The following CIB1 variants were observed in gnomAD, a reference collection of about 807,000 sequenced individuals.
The protein encoded by CIB1 is calcium and integrin-binding protein 1.
In CIB1, 19 loss-of-function variants were observed where a neutral mutation model predicts 25.0. That is an observed-to-expected ratio of 0.76 (90% CI 0.53 to 1.12). The LOEUF (loss-of-function observed/expected upper bound fraction) is 1.12, where lower values mean the gene tolerates loss of function less well. Among genes scored for constraint, CIB1 ranks in the 50% most tolerant of loss-of-function variants. The pLI is 0.00. For missense variants in CIB1, 236 were observed against 242.6 expected (o/e 0.97, Z 0.18); for synonymous variants, 104 against 98.5 (o/e 1.06, Z -0.33).
the CIB1 span, chr15:90,262,343 G>T: frequency 8.8e-7 from 1 of 1,141,220 alleles, no homozygotes; most frequent in South Asian, 1.7e-5. Flanking sequence ...TTTCAGTTTA[G>T]TAGGTTTCCT....
At chr15:90,247,953 G>C in the CIB1 span, among the ~76,000 whole-genome samples, 1 of 151,936 alleles carries the variant, frequency 6.6e-6, no homozygotes, top group African/African-American at 2.4e-5. Context: ...GTGTTAGCCA[G>C]GATGGTCTTG....
chr15:90,255,874 C>T, the CIB1 span: 1 of 1,614,174 alleles, frequency 6.2e-7, no homozygotes, highest in African/African-American at 1.3e-5. Context: ...GCACCTGGTG[C>T]CTCCCCGCAG....
the CIB1 span, chr15:90,265,435 TGGAAAC>T: frequency 2.3e-6 from 3 of 1,306,598 alleles, no homozygotes; most frequent in Non-Finnish European, 2.9e-6. Flanking sequence ...GGACGGCTCT[TGGAAAC>T]GGAATCCGTA....
At chr15:90,262,216 G>C in the CIB1 span, 6 of 1,508,890 alleles carry the variant, frequency 4.0e-6, no homozygotes, top group Non-Finnish European at 5.3e-6. Flanking sequence ...ATTCTCCTCT[G>C]CACACCTAGG....
intron 3 of CIB1, among the ~76,000 whole-genome samples, 164 bp from the exon 4 acceptor site, chr15:90,231,671 A>G (rs2151635237): frequency 6.6e-6 from 1 of 152,340 alleles, no homozygotes. Flanking sequence ...GGGGCACAGG[A>G]AAGCAAACTG....
the CIB1 span, chr15:90,251,622 G>C: frequency 1.2e-6 from 2 of 1,611,196 alleles, no homozygotes; most frequent in Non-Finnish European, 8.5e-7. Flanking sequence ...CGCTCACACT[G>C]TGGTGCATAA....
chr15:90,253,293 G>A, the CIB1 span: 10 of 1,613,754 alleles, frequency 6.2e-6, no homozygotes, highest in Non-Finnish European at 7.6e-6. Flanking sequence ...GGTGGGGGAG[G>A]ATGAAGAGTG....
chr15:90,264,446 C>T, the CIB1 span, among the ~76,000 whole-genome samples: 1 of 152,210 alleles, frequency 6.6e-6, no homozygotes, highest in African/African-American at 2.4e-5. Flanking sequence ...GCTAGGATTA[C>T]AGGTGTAAGC....
the CIB1 span, among the ~76,000 whole-genome samples, chr15:90,259,909 A>G: frequency 1.3e-5 from 2 of 152,364 alleles, no homozygotes; most frequent in South Asian, 2.1e-4. Context: ...ATTTCAGTAC[A>G]TGTATAGTTA....
the CIB1 span, among the ~76,000 whole-genome samples, chr15:90,256,769 A>T: frequency 6.7e-6 from 1 of 149,226 alleles, no homozygotes; most frequent in African/African-American, 2.5e-5. Flanking sequence ...GCTCCCTGCA[A>T]CCTCCGCCTC....
chr15:90,261,978 C>G, the CIB1 span: 1 of 1,514,130 alleles, frequency 6.6e-7, no homozygotes, highest in Non-Finnish European at 8.8e-7. Flanking sequence ...CAGCCCTACT[C>G]TTGACTCACT....
At chr15:90,250,441 G>A in the CIB1 span, among the ~76,000 whole-genome samples, 1 of 152,250 alleles carries the variant, frequency 6.6e-6, no homozygotes, top group Admixed American at 6.5e-5. Flanking sequence ...CCACCCCCAT[G>A]CACCTCCACC....
At chr15:90,265,183 C>A in the CIB1 span, 1 of 1,328,306 alleles carries the variant, frequency 7.5e-7, no homozygotes, top group Non-Finnish European at 9.9e-7. Context: ...TGAAGAGGCG[C>A]CAAGGCCAGC....
intron 2 of CIB1, among the ~76,000 whole-genome samples, chr15:90,233,146 G>A (rs1205758306): frequency 1.3e-5 from 2 of 152,220 alleles, no homozygotes; most frequent in African/African-American, 4.8e-5. Flanking sequence ...TACTTACTCA[G>A]AGTGTTGTCT....
the CIB1 span, chr15:90,253,324 G>A: frequency 1.9e-6 from 3 of 1,613,528 alleles, no homozygotes; most frequent in Non-Finnish European, 2.5e-6. Context: ...TGGACAGACT[G>A]CGCTGTCTCA....
At chr15:90,239,257 T>A in the CIB1 span, among the ~76,000 whole-genome samples, 4 of 152,082 alleles carry the variant, frequency 2.6e-5, no homozygotes, top group Non-Finnish European at 5.9e-5. Context: ...TTACTCGATA[T>A]ATATAATTTT....
At chr15:90,230,635 A>C (rs1404285599) in intron 6 of CIB1, 130 bp from the exon 7 acceptor site, 1 of 987,230 alleles carries the variant, frequency 1.0e-6, no homozygotes, top group Non-Finnish European at 1.6e-6. Context: ...CCCCTCTGCA[A>C]GAACTCCCCG....
the CIB1 span, among the ~76,000 whole-genome samples, chr15:90,261,616 C>A: frequency 8.6e-5 from 13 of 151,950 alleles, no homozygotes; most frequent in East Asian, 2.4e-3. Flanking sequence ...CCTGTCTCTA[C>A]TAAAAATACA....
At chr15:90,238,448 A>AT (rs1213293378), upstream of CIB1, 1 of 152,278 alleles carries the variant, frequency 6.6e-6, no homozygotes, top group East Asian at 1.9e-4. Flanking sequence ...TTGATATGTA[A>AT]TTTTTTATAT....
Sources: allele counts gnomAD v4.1 joint callset (sites outside exome capture counted in the v4.1 genomes callset), GRCh38; gene constraint gnomAD v4.1.1; transcripts MANE v1.5; gene names NCBI Gene and HGNC (gene_info 2026-07-23, HGNC 2026-07-21).